The following EFHC2 variants were observed in gnomAD, a reference collection of about 807,000 sequenced individuals.
EFHC2 encodes EF-hand domain containing 2.
A neutral mutation model predicts 52.7 loss-of-function variants in EFHC2; 18 were observed. The ratio of observed to expected loss-of-function variants is 0.34; its 90% CI spans 0.24 to 0.51. The LOEUF (loss-of-function observed/expected upper bound fraction) is 0.51, where lower values mean the gene tolerates loss of function less well. EFHC2 is among the 20% of genes least tolerant of loss of function. EFHC2 has a pLI of 0.97. For missense variants in EFHC2, 513 were observed against 562.5 expected (o/e 0.91, Z 0.89); for synonymous variants, 203 against 204.1 (o/e 0.99, Z 0.04).
At chrX:44,297,064 C>A (rs746732862) in intron 2 of EFHC2, among the ~76,000 whole-genome samples, 60 of 112,197 alleles carry the variant, frequency 5.3e-4, no homozygotes, top group African/African-American at 1.9e-3. Context: ...TTCGTGACTA[C>A]TATGACCTGG....
chrX:44,235,200 T>G, intron 9 of EFHC2, 105 bp downstream of exon 9: 1 of 753,999 alleles, frequency 1.3e-6, no homozygotes, highest in Non-Finnish European at 1.8e-6. Flanking sequence ...AAGCCTCTAT[T>G]GTAGATAATC....
At chrX:44,277,031 G>T (rs1004275510) in intron 2 of EFHC2, among the ~76,000 whole-genome samples, 1 of 110,765 alleles carries the variant, frequency 9.0e-6, no homozygotes, top group Non-Finnish European at 1.9e-5. Context: ...AGGCCGAGGC[G>T]GGCGGATCAC....
At chrX:44,280,495 T>C (rs2037693963) in intron 2 of EFHC2, among the ~76,000 whole-genome samples, 1 of 112,078 alleles carries the variant, frequency 8.9e-6, no homozygotes, top group Non-Finnish European at 1.9e-5. Context: ...ATGCCCCTAC[T>C]AGCATCATTA....
intron 1 of EFHC2, among the ~76,000 whole-genome samples, chrX:44,323,040 C>T (rs1202746495): frequency 3.6e-5 from 4 of 111,503 alleles, no homozygotes; most frequent in Non-Finnish European, 7.5e-5. Context: ...GTATGACTCC[C>T]TTACTAACCA....
chrX:44,326,764 T>C (rs185748309), intron 1 of EFHC2, among the ~76,000 whole-genome samples: 4,884 of 95,207 alleles, frequency 0.051, 410 homozygotes, highest in African/African-American at 0.18. Flanking sequence ...GGCCTCACTC[T>C]GTAGCCCAGG....
chrX:44,149,342 G>A (rs1021648097), intron 14 of EFHC2, among the ~76,000 whole-genome samples: 1 of 111,354 alleles, frequency 9.0e-6, no homozygotes, highest in African/African-American at 3.3e-5. Context: ...CTGGACTTGC[G>A]GACTAAGAGC....
At chrX:44,235,168 T>C (rs2037309169) in intron 9 of EFHC2, 137 bp downstream of exon 9, 5 of 494,694 alleles carry the variant, frequency 1.0e-5, no homozygotes, top group Non-Finnish European at 2.9e-6. Flanking sequence ...AAGAACCCTA[T>C]TGTTCAGGGT....
At chrX:44,265,899 C>G (rs2037573079) in intron 3 of EFHC2, among the ~76,000 whole-genome samples, 1 of 111,921 alleles carries the variant, frequency 8.9e-6, no homozygotes, top group African/African-American at 3.2e-5. Context: ...GGGCACTCAC[C>G]TTGCAGCAAA....
At chrX:44,165,140 T>A (rs1569274313) in intron 13 of EFHC2, among the ~76,000 whole-genome samples, 2 of 111,749 alleles carry the variant, frequency 1.8e-5, no homozygotes, top group Non-Finnish European at 3.8e-5. Flanking sequence ...ATCCTGCCCT[T>A]AAAATATACT....
intron 2 of EFHC2, among the ~76,000 whole-genome samples, chrX:44,281,014 G>A (rs6609291): frequency 0.015 from 1,646 of 111,043 alleles, 29 homozygotes; most frequent in African/African-American, 0.052. Context: ...CTGCCTCCCG[G>A]GTTCAAGTGA....
chrX:44,299,093 T>C (rs909384960), intron 2 of EFHC2, among the ~76,000 whole-genome samples: 2 of 110,037 alleles, frequency 1.8e-5, no homozygotes, highest in African/African-American at 3.3e-5. Context: ...AGTGAGTGCA[T>C]GTAAAAACTG....
At chrX:44,292,144 T>G (rs1008379661) in intron 2 of EFHC2, among the ~76,000 whole-genome samples, 1 of 111,718 alleles carries the variant, frequency 9.0e-6, no homozygotes, top group Non-Finnish European at 1.9e-5. Flanking sequence ...GTGTGTTTTT[T>G]TGTGTGTATA....
intron 11 of EFHC2, among the ~76,000 whole-genome samples, chrX:44,212,671 C>T (rs1399331175): frequency 9.0e-6 from 1 of 111,229 alleles, no homozygotes; most frequent in East Asian, 2.8e-4. Context: ...CTTACCATCA[C>T]ATCACTAAAG....
chrX:44,260,348 C>T (rs907563959), intron 4 of EFHC2, among the ~76,000 whole-genome samples: 5 of 111,677 alleles, frequency 4.5e-5, no homozygotes, highest in Admixed American at 9.5e-5. Context: ...AAGACATTTG[C>T]GATCCAGTCC....
chrX:44,252,387 A>C (rs1034410321), intron 4 of EFHC2, among the ~76,000 whole-genome samples: 7 of 112,200 alleles, frequency 6.2e-5, no homozygotes, highest in Non-Finnish European at 1.1e-4. Flanking sequence ...TGTCGAGGGC[A>C]GTCTAGGTGC....
At chrX:44,282,696 A>C (rs2037715129) in intron 2 of EFHC2, among the ~76,000 whole-genome samples, 1 of 82,996 alleles carries the variant, frequency 1.2e-5, no homozygotes, top group South Asian at 7.9e-4. Context: ...CAAAAAAAAA[A>C]CACCACAAGA....
chrX:44,309,608 C>A (rs2037930965), intron 2 of EFHC2: 12 of 1,152,906 alleles, frequency 1.0e-5, no homozygotes, highest in East Asian at 6.0e-5. Flanking sequence ...ATAATTATTT[C>A]TCTCACTTTC....
chrX:44,311,592 T>G, intron 2 of EFHC2, among the ~76,000 whole-genome samples: 1 of 112,370 alleles, frequency 8.9e-6, no homozygotes, highest in Non-Finnish European at 1.9e-5. Flanking sequence ...GCCTTTTCTT[T>G]CCTCTGATCT....
At chrX:44,149,054 T>C (rs1447002298) in intron 14 of EFHC2, among the ~76,000 whole-genome samples, 158 bp from the exon 15 acceptor site, 1 of 112,418 alleles carries the variant, frequency 8.9e-6, no homozygotes, top group African/African-American at 3.2e-5. Flanking sequence ...TGATTCTTCA[T>C]TCCCTCCCTG....
Sources: allele counts gnomAD v4.1 joint callset (sites outside exome capture counted in the v4.1 genomes callset), GRCh38; gene constraint gnomAD v4.1.1; transcripts MANE v1.5; gene names NCBI Gene and HGNC (gene_info 2026-07-23, HGNC 2026-07-21).